Variants in KDM4C observed in about 807,000 individuals in gnomAD.
The protein encoded by KDM4C is lysine-specific demethylase 4C.
KDM4C carries 81 observed loss-of-function variants against 129.3 expected under a neutral mutation model. The ratio of observed to expected loss-of-function variants is 0.63; its 90% CI spans 0.52 to 0.75. The LOEUF (loss-of-function observed/expected upper bound fraction) is 0.75. Ranked by LOEUF, KDM4C falls within the 30% of genes least tolerant of loss-of-function variation. KDM4C has a pLI of 0.00. For synonymous variants in KDM4C, 573 were observed against 456.1 expected (o/e 1.26, Z -3.26); for missense variants, 1,457 against 1,304.0 (o/e 1.12, Z -1.81).
intron 15 of KDM4C, among the ~76,000 whole-genome samples, chr9:7,046,095 C>G (rs1041006913): frequency 1.3e-5 from 2 of 152,016 alleles, no homozygotes; most frequent in East Asian, 1.9e-4. Context: ...CAGTGCACTG[C>G]TCTCTGGTCC....
intron 19 of KDM4C, among the ~76,000 whole-genome samples, chr9:7,160,505 C>T (rs200901168): frequency 2.6e-5 from 4 of 152,236 alleles, no homozygotes; most frequent in South Asian, 2.1e-4. Context: ...ACCTACAGAT[C>T]GGGTTTTGGC....
chr9:7,015,132 C>T (rs1043131858), intron 14 of KDM4C, among the ~76,000 whole-genome samples: 1 of 152,058 alleles, frequency 6.6e-6, no homozygotes, highest in African/African-American at 2.4e-5. Context: ...TGGGAAATTA[C>T]ATTTCTGTTA....
chr9:6,915,336 A>G (rs569195783), intron 8 of KDM4C, among the ~76,000 whole-genome samples: 17 of 152,352 alleles, frequency 1.1e-4, no homozygotes, highest in African/African-American at 3.8e-4. Flanking sequence ...AGGGGGTTGC[A>G]TAGTAAAGCA....
chr9:6,835,612 T>G, intron 4 of KDM4C: 1 of 838,214 alleles, frequency 1.2e-6, no homozygotes, highest in South Asian at 1.3e-5. Context: ...CACCCTTTCT[T>G]GACAAAACCT....
intron 17 of KDM4C, among the ~76,000 whole-genome samples, chr9:7,075,551 C>T (rs1337108016): frequency 6.6e-6 from 1 of 152,160 alleles, no homozygotes; most frequent in African/African-American, 2.4e-5. Flanking sequence ...CCCTCTTTCA[C>T]CATGTGATCT....
chr9:6,801,120 C>T (rs1029283450), intron 2 of KDM4C, among the ~76,000 whole-genome samples: 1 of 151,722 alleles, frequency 6.6e-6, no homozygotes, highest in Non-Finnish European at 1.5e-5. Flanking sequence ...GTTTCTTTAT[C>T]TGATGACGCT....
chr9:6,779,757 A>T (rs1823913280), intron 1 of KDM4C, among the ~76,000 whole-genome samples: 1 of 152,216 alleles, frequency 6.6e-6, no homozygotes. Flanking sequence ...ATCATGACTG[A>T]TGCTATTATC....
chr9:7,041,954 C>G (rs542846489), intron 15 of KDM4C, among the ~76,000 whole-genome samples: 1 of 152,014 alleles, frequency 6.6e-6, no homozygotes, highest in Admixed American at 6.6e-5. Flanking sequence ...ACTTCTATTT[C>G]TTGCTTTTTG....
intron 17 of KDM4C, among the ~76,000 whole-genome samples, chr9:7,086,248 T>G (rs1203899650): frequency 1.3e-5 from 2 of 152,224 alleles, no homozygotes; most frequent in East Asian, 3.8e-4. Context: ...GGTAGATATT[T>G]CTGTATTTTA....
chr9:7,164,563 A>G (rs1844166471), intron 19 of KDM4C, among the ~76,000 whole-genome samples: 1 of 152,160 alleles, frequency 6.6e-6, no homozygotes. Context: ...GGGTGTCTTT[A>G]GAAGGGCCGT....
intron 8 of KDM4C, among the ~76,000 whole-genome samples, chr9:6,897,648 C>T (rs1034060617): frequency 6.6e-6 from 1 of 152,258 alleles, no homozygotes; most frequent in Middle Eastern, 3.4e-3. Context: ...CAGTGAGTTC[C>T]TCCTGTGCTA....
At chr9:7,123,165 A>G (rs1395018481) in intron 18 of KDM4C, among the ~76,000 whole-genome samples, 1 of 152,106 alleles carries the variant, frequency 6.6e-6, no homozygotes, top group Non-Finnish European at 1.5e-5. Flanking sequence ...TAATTTATAT[A>G]CTGGCCATTT....
chr9:6,822,580 T>C (rs1284670219), intron 4 of KDM4C, among the ~76,000 whole-genome samples: 1 of 152,228 alleles, frequency 6.6e-6, no homozygotes, highest in Non-Finnish European at 1.5e-5. Flanking sequence ...CATAAGGAAC[T>C]TAAGATCTGG....
intron 15 of KDM4C, among the ~76,000 whole-genome samples, chr9:7,016,722 G>C (rs1158751779): frequency 1.3e-5 from 2 of 152,064 alleles, no homozygotes; most frequent in Non-Finnish European, 2.9e-5. Context: ...CACTGTGCCC[G>C]ACTATTAGGT....
chr9:7,105,902 A>G lies in KDM4C; in HGVS notation c.2610+2032A>G, dbSNP rs866414339. 1.6e-4 allele frequency among the ~76,000 whole-genome samples: 25 copies of G among 152,346 alleles called. No individual in the cohort carries two copies. In the Middle Eastern group the frequency reaches 0.014, roughly 83 times the overall value. ...ATGAGTTTGAGGTGATTTAGAAACT[A>G]CTGTCTCCTACAGATCCACTTTCAG... On this transcript the variant is annotated intron_variant, in intron 18 of 21. Coordinates refer to ENST00000381309, the MANE Select transcript of KDM4C (RefSeq NM_015061.6).
At chr9:7,060,699 C>G (rs1177365503) in intron 17 of KDM4C, among the ~76,000 whole-genome samples, 1 of 152,056 alleles carries the variant, frequency 6.6e-6, no homozygotes, top group African/African-American at 2.4e-5. Context: ...CCAGGATGGT[C>G]TCAAACTCCT....
At chr9:6,761,876 A>T (rs1284485575) in intron 1 of KDM4C, among the ~76,000 whole-genome samples, 1 of 151,882 alleles carries the variant, frequency 6.6e-6, no homozygotes, top group East Asian at 1.9e-4. Context: ...CAGTGGCATG[A>T]TCTCGGCTCA....
chr9:7,117,632 C>A (rs1304985788), intron 18 of KDM4C, among the ~76,000 whole-genome samples: 2 of 45,592 alleles, frequency 4.4e-5, no homozygotes, highest in Admixed American at 5.5e-4. Flanking sequence ...TTTCTACACA[C>A]ACACACACAC....
intron 17 of KDM4C, chr9:7,076,549 A>G (rs776560207): frequency 9.1e-6 from 14 of 1,530,704 alleles, no homozygotes; most frequent in African/African-American, 8.3e-5. Flanking sequence ...ACTGTTTCAG[A>G]TGCTGTTTCT....
Sources: gnomAD v4.1 joint callset for allele counts (sites outside exome capture counted in the v4.1 genomes callset) on GRCh38, gnomAD v4.1.1 for gene constraint, MANE v1.5 for transcripts, NCBI Gene and HGNC (gene_info 2026-07-23, HGNC 2026-07-21) for gene names.